Variants in BBX observed in about 807,000 individuals in gnomAD.
BBX encodes the protein BBX high mobility group box domain containing.
In BBX, 30 loss-of-function variants were observed where a neutral mutation model predicts 100.2. That is an observed-to-expected ratio of 0.30 (90% CI 0.22 to 0.41). The LOEUF is 0.41. BBX is among the 10% of genes least tolerant of loss of function. BBX has a pLI of 1.00. For missense variants in BBX, 1,023 were observed against 1,129.8 expected (o/e 0.91, Z 1.35); for synonymous variants, 376 against 388.1 (o/e 0.97, Z 0.37).
At chr3:107,783,351 T>C (rs1397325821) in intron 13 of BBX, among the ~76,000 whole-genome samples, 1 of 152,124 alleles carries the variant, frequency 6.6e-6, no homozygotes, top group East Asian at 1.9e-4. Context: ...ATATAAGCTC[T>C]TCTGTGTACA....
chr3:107,748,181 T>G, intron 9 of BBX, 142 bp downstream of exon 9: 2 of 607,398 alleles, frequency 3.3e-6, no homozygotes, highest in Non-Finnish European at 5.3e-6. Context: ...GAATATTTAT[T>G]GCTTTTTCTG....
chr3:107,686,259 G>A (rs891016138), intron 3 of BBX, among the ~76,000 whole-genome samples: 3 of 152,100 alleles, frequency 2.0e-5, no homozygotes, highest in African/African-American at 7.2e-5. Flanking sequence ...GGTGAGTTTA[G>A]ATCAGTTCTA....
At chr3:107,585,067 A>G (rs1341902107) in intron 2 of BBX, among the ~76,000 whole-genome samples, 1 of 152,158 alleles carries the variant, frequency 6.6e-6, no homozygotes, top group Non-Finnish European at 1.5e-5. Context: ...GTTCAGTGGC[A>G]TGAACCATAC....
rs568332169 is a variant in BBX, at chr3:107,800,869, C to T, written c.2552-226C>T. Among the ~76,000 whole-genome samples, 6 of 152,336 alleles carry T rather than the reference C, an allele frequency of 3.9e-5. No individual in the cohort carries two copies. In the East Asian group the frequency reaches 1.2e-3, roughly 29 times the overall value. ...CAGATAAAACACAGCTTCTCTTCAG[C>T]TCAGCCTCAGGGCACAGTGCTGTCC... On this transcript the variant is annotated intron_variant, in intron 16 of 17. Coordinates refer to ENST00000325805, the MANE Select transcript of BBX (RefSeq NM_001142568.3).
At chr3:107,658,616 C>T (rs1020880562) in intron 3 of BBX, among the ~76,000 whole-genome samples, 47 of 152,176 alleles carry the variant, frequency 3.1e-4, no homozygotes, top group African/African-American at 1.1e-3. Context: ...TTTTCATCTT[C>T]AGAGAATGGT....
At chr3:107,559,512 G>A (rs916815824) in intron 2 of BBX, among the ~76,000 whole-genome samples, 2 of 152,178 alleles carry the variant, frequency 1.3e-5, no homozygotes, top group Non-Finnish European at 2.9e-5. Context: ...GAGGGTGATA[G>A]GAGTGTGTAG....
chr3:107,587,054 C>T (rs1457782899), intron 2 of BBX, among the ~76,000 whole-genome samples: 2 of 151,646 alleles, frequency 1.3e-5, no homozygotes, highest in African/African-American at 4.9e-5. Flanking sequence ...TGCGCCTGGC[C>T]GATTCCACAC....
intron 10 of BBX, among the ~76,000 whole-genome samples, chr3:107,766,972 T>C (rs973562061): frequency 1.3e-5 from 2 of 152,198 alleles, no homozygotes; most frequent in African/African-American, 4.8e-5. Flanking sequence ...AAACACTGCA[T>C]GTTCTCACTT....
intron 3 of BBX, among the ~76,000 whole-genome samples, chr3:107,658,085 G>A (rs1209652912): frequency 1.3e-5 from 2 of 152,036 alleles, no homozygotes; most frequent in East Asian, 3.9e-4. Context: ...GTTTTATAGA[G>A]CAGTCAAAGA....
intron 15 of BBX, among the ~76,000 whole-genome samples, chr3:107,797,766 C>A (rs74902603): frequency 0.022 from 3,412 of 152,212 alleles, 121 homozygotes; most frequent in African/African-American, 0.075. Flanking sequence ...CAGGTGTCTT[C>A]CTTGCTCTTG....
intron 3 of BBX, among the ~76,000 whole-genome samples, chr3:107,696,986 G>T (rs1002282740): frequency 6.6e-6 from 1 of 151,516 alleles, no homozygotes; most frequent in South Asian, 2.1e-4. Flanking sequence ...CCATTTGATC[G>T]CATCAGCTCC....
At chr3:107,558,662 G>T (rs1362251157) in intron 2 of BBX, among the ~76,000 whole-genome samples, 2 of 152,118 alleles carry the variant, frequency 1.3e-5, no homozygotes, top group Non-Finnish European at 2.9e-5. Flanking sequence ...ACAGCATCTG[G>T]GCAGTGGGTA....
chr3:107,685,946 T>G (rs1177355571), intron 3 of BBX, among the ~76,000 whole-genome samples: 2 of 152,216 alleles, frequency 1.3e-5, no homozygotes, highest in African/African-American at 2.4e-5. Context: ...ACTTCTCTCA[T>G]TAGGATAATA....
chr3:107,537,557 G>A (rs1177370510), intron 2 of BBX, among the ~76,000 whole-genome samples: 1 of 152,190 alleles, frequency 6.6e-6, no homozygotes, highest in South Asian at 2.1e-4. Context: ...GCTTCCATCA[G>A]GCAGTTTTTA....
At chr3:107,695,323 GT>G (rs1559985601) in intron 3 of BBX, among the ~76,000 whole-genome samples, 2 of 120,384 alleles carry the variant, frequency 1.7e-5, no homozygotes, top group East Asian at 4.8e-4. Context: ...GCTTTCTCTT[GT>G]GGGCATTTAG....
intron 2 of BBX, among the ~76,000 whole-genome samples, chr3:107,603,748 G>A (rs1434139206): frequency 1.3e-5 from 2 of 151,968 alleles, no homozygotes; most frequent in Non-Finnish European, 2.9e-5. Flanking sequence ...TTGATCTGTC[G>A]GCAGCCATCA....
At chr3:107,711,959 T>G (rs779305514) in intron 4 of BBX, among the ~76,000 whole-genome samples, 5 of 152,124 alleles carry the variant, frequency 3.3e-5, no homozygotes, top group African/African-American at 1.2e-4. Flanking sequence ...GTAGCTTCCA[T>G]CCACCTCCCA....
At chr3:107,643,275 G>T (rs1251438303) in intron 2 of BBX, among the ~76,000 whole-genome samples, 2 of 152,152 alleles carry the variant, frequency 1.3e-5, no homozygotes, top group Non-Finnish European at 2.9e-5. Context: ...GGCCACATCT[G>T]TAAGATAGGT....
intron 2 of BBX, among the ~76,000 whole-genome samples, chr3:107,550,367 G>A (rs1230206462): frequency 6.6e-6 from 1 of 152,150 alleles, no homozygotes; most frequent in Non-Finnish European, 1.5e-5. Context: ...CTATTGTTGG[G>A]GAAGTCCTCA....
Sources: gnomAD v4.1 joint callset for allele counts (sites outside exome capture counted in the v4.1 genomes callset) on GRCh38, gnomAD v4.1.1 for gene constraint, MANE v1.5 for transcripts, NCBI Gene and HGNC (gene_info 2026-07-23, HGNC 2026-07-21) for gene names.